The following CHN2 variants were observed in gnomAD, a reference collection of about 807,000 sequenced individuals.
CHN2 encodes the protein beta-chimaerin.
A neutral mutation model predicts 56.3 loss-of-function variants in CHN2; 35 were observed. The ratio of observed to expected loss-of-function variants is 0.62; its 90% CI spans 0.47 to 0.82. CHN2 has a LOEUF of 0.82. Among genes scored for constraint, CHN2 ranks in the 40% least tolerant of loss-of-function variants. The probability of loss-of-function intolerance (pLI) is 0.00; values close to 1 mark genes in which losing one functional copy is unlikely to be tolerated. For missense variants in CHN2, 491 were observed against 580.5 expected (o/e 0.85, Z 1.58); for synonymous variants, 210 against 212.8 (o/e 0.99, Z 0.12).
chr7:29,367,760 A>T (rs1316464108), intron 2 of CHN2, among the ~76,000 whole-genome samples, 172 bp from the exon 3 acceptor site: 1 of 152,358 alleles, frequency 6.6e-6, no homozygotes, highest in South Asian at 2.1e-4. Context: ...ACTAATTTCC[A>T]TATAAATAAT....
intron 1 of CHN2, among the ~76,000 whole-genome samples, chr7:29,319,554 A>G (rs1585047418): frequency 6.6e-6 from 1 of 152,180 alleles, no homozygotes; most frequent in African/African-American, 2.4e-5. Context: ...TTCAGATACA[A>G]TGCAGCTGCC....
At chr7:29,240,028 G>T (rs1056833385) in intron 1 of CHN2, among the ~76,000 whole-genome samples, 1 of 152,146 alleles carries the variant, frequency 6.6e-6, no homozygotes, top group Non-Finnish European at 1.5e-5. Context: ...TATATCTGGG[G>T]CCAGATCCAG....
At chr7:29,506,363 C>T (rs999465124) in intron 10 of CHN2, among the ~76,000 whole-genome samples, 3 of 152,164 alleles carry the variant, frequency 2.0e-5, no homozygotes, top group Non-Finnish European at 4.4e-5. Context: ...ATAGGCCAGG[C>T]GTGGTGGCTC....
In CHN2 at chr7:29,512,540, C is replaced by T. The variant is rs747572806; in HGVS notation, c.1236-24C>T. 4 of 1,589,498 alleles carry T rather than the reference C, an allele frequency of 2.5e-6. No homozygotes were observed. The Admixed American group carries it at 5.3e-5, about 21-fold the overall frequency. On this transcript the variant is annotated intron_variant, in intron 12 of 12. Transcript: ENST00000222792. ...CAATCCTCAAGTCTCCATAATGTCT[C>T]TGTTCTATATGTTTGTTTTGCAGGG... is the stretch of plus-strand genomic sequence containing the variant.
intron 1 of CHN2, among the ~76,000 whole-genome samples, chr7:29,339,150 C>G (rs965295845): frequency 6.6e-5 from 10 of 152,230 alleles, no homozygotes; most frequent in African/African-American, 1.9e-4. Context: ...GTAGTGGTCA[C>G]TTCATGGAAT....
rs193122548 is a variant in CHN2, at chr7:29,324,235, G to T, written c.50-30390G>T. On this transcript the variant is annotated intron_variant, in intron 1 of 12. Transcript: ENST00000222792. Reference sequence around the variant, plus strand: ...TATTTGCAGGAGTAGTTGAAGTTGCGTATCTTACAACTTCTGGAATCATGG... The same window carrying T: ...TATTTGCAGGAGTAGTTGAAGTTGCTTATCTTACAACTTCTGGAATCATGG... 1.7e-4 allele frequency among the ~76,000 whole-genome samples: 26 copies of T among 152,184 alleles called. No homozygotes were observed. The South Asian group carries it at 3.5e-3, about 21-fold the overall frequency.
chr7:29,279,512 A>G (rs1383142945), intron 1 of CHN2, among the ~76,000 whole-genome samples: 2 of 152,230 alleles, frequency 1.3e-5, no homozygotes, highest in African/African-American at 4.8e-5. Context: ...CTAGAGAAAG[A>G]CCTTCATAGA....
Position 29,419,203 on chromosome 7 carries a change from A to G in CHN2, c.576+18375A>G, listed in dbSNP as rs535121271. ...TAGATAGTTAGAAATAATCACCACC[A>G]ATTTACACCTAGCACAGTGTTCTGA... On this transcript the variant is annotated intron_variant, in intron 6 of 12. Transcript: ENST00000222792. 4.1e-4 allele frequency among the ~76,000 whole-genome samples: 62 copies of G among 152,292 alleles called. 1 individual carries two copies. In the Middle Eastern group the frequency reaches 0.014, roughly 33 times the overall value.
At chr7:29,177,014 AAGC>A (rs1357717416) in intron 2 of CHN2, among the ~76,000 whole-genome samples, 18 of 152,146 alleles carry the variant, frequency 1.2e-4, no homozygotes, top group Non-Finnish European at 2.4e-4. Flanking sequence ...ATACAAAAGA[AAGC>A]AAGAAAGAGA....
At chr7:29,450,610 G>A (rs558539468) in intron 6 of CHN2, among the ~76,000 whole-genome samples, 41 of 152,246 alleles carry the variant, frequency 2.7e-4, no homozygotes, top group African/African-American at 9.1e-4. Flanking sequence ...CACAGCCCTC[G>A]ATTGCAGCCC....
chr7:29,459,940 G>T (rs927246745), intron 6 of CHN2, among the ~76,000 whole-genome samples: 3 of 152,146 alleles, frequency 2.0e-5, no homozygotes, highest in Non-Finnish European at 4.4e-5. Context: ...AATACAATAG[G>T]CGTTCTCTGC....
chr7:29,444,688 A>G (rs76022698), intron 6 of CHN2, among the ~76,000 whole-genome samples: 1,618 of 152,372 alleles, frequency 0.011, 27 homozygotes, highest in African/African-American at 0.035. Context: ...GGACTGGTCC[A>G]GATTCAAAGA....
intron 3 of CHN2, among the ~76,000 whole-genome samples, chr7:29,368,492 T>TCAGTTCACTAATC (rs1799356378): frequency 6.6e-6 from 1 of 152,196 alleles, no homozygotes; most frequent in South Asian, 2.1e-4. Context: ...AGTTCTCTGA[T>TCAGTTCACTAATC]TGTGTGGGAT....
chr7:29,223,435 A>G (rs1169567912), intron 1 of CHN2, among the ~76,000 whole-genome samples: 1 of 152,076 alleles, frequency 6.6e-6, no homozygotes, highest in African/African-American at 2.4e-5. Context: ...ACCACTCCCC[A>G]TATCAATCAC....
rs1783983152 is a variant in CHN2 at position 29,445,688 on chromosome 7, G to A, written c.577-34591G>A. Reference sequence around the variant, plus strand: ...ATCAACTCAGGTTTGCTTTTTGTTGGGGGTTCTTGTTTTTTTTTCTTGTTA... The same window carrying A: ...ATCAACTCAGGTTTGCTTTTTGTTGAGGGTTCTTGTTTTTTTTTCTTGTTA... On this transcript the variant is annotated intron_variant, in intron 6 of 12. Coordinates refer to ENST00000222792, the MANE Select transcript of CHN2 (RefSeq NM_004067.4). 2.6e-5 allele frequency among the ~76,000 whole-genome samples: 4 copies of A among 151,762 alleles called. No individual in the cohort carries two copies. In the South Asian group the frequency reaches 8.3e-4, roughly 32 times the overall value.
chr7:29,363,022 A>G (rs1798859816), intron 2 of CHN2, among the ~76,000 whole-genome samples: 1 of 152,220 alleles, frequency 6.6e-6, no homozygotes, highest in South Asian at 2.1e-4. Context: ...AGTGAACAGG[A>G]TTCTCTCGCT....
At chr7:29,169,858 A>G (rs148558724) in intron 2 of CHN2, among the ~76,000 whole-genome samples, 150 of 144,290 alleles carry the variant, frequency 1.0e-3, no homozygotes, top group African/African-American at 3.6e-3. Flanking sequence ...ATAAGTATAT[A>G]TACGTGTGTG....
intron 1 of CHN2, chr7:29,213,159 C>T: frequency 6.8e-7 from 1 of 1,475,278 alleles, no homozygotes; most frequent in Non-Finnish European, 9.4e-7. Context: ...TAGTACTCCA[C>T]AAACCATGGA....
chr7:29,505,946 T>C (rs965172515), intron 10 of CHN2, among the ~76,000 whole-genome samples: 16 of 152,346 alleles, frequency 1.1e-4, no homozygotes, highest in South Asian at 8.3e-4. Flanking sequence ...TCTATGCTTT[T>C]ACTGTTTTCT....
Sources: gnomAD v4.1 joint callset for allele counts (sites outside exome capture counted in the v4.1 genomes callset) on GRCh38, gnomAD v4.1.1 for gene constraint, MANE v1.5 for transcripts, NCBI Gene and HGNC (gene_info 2026-07-23, HGNC 2026-07-21) for gene names.